Variants in JMJD1C observed in about 807,000 individuals in gnomAD.
JMJD1C encodes the protein jumonji domain containing 1C, also known as jumonji domain-containing protein 1C.
A neutral mutation model predicts 245.3 loss-of-function variants in JMJD1C; 31 were observed. That is an observed-to-expected ratio of 0.13 (90% CI 0.09 to 0.17). JMJD1C has a LOEUF of 0.17. Ranked by LOEUF, JMJD1C falls within the 10% of genes least tolerant of loss-of-function variation. The probability of loss-of-function intolerance (pLI) is 1.00; values close to 1 mark genes in which losing one functional copy is unlikely to be tolerated. For missense variants in JMJD1C, 2,691 were observed against 3,000.2 expected, an observed-to-expected ratio of 0.90 and a Z score of 2.41; for synonymous variants, 1,057 against 1,017.4, an observed-to-expected ratio of 1.04 and a Z score of -0.74.
Position 63,497,161 on chromosome 10 carries a change from T to C in JMJD1C, n.113+24577A>G, listed in dbSNP as rs139855092. On this transcript the variant is annotated intron_variant and non_coding_transcript_variant, in intron 1 of 3. Transcript: ENST00000633035. ...TTCTTTTCCTTTAGAACTTGATTAA[T>C]CTTAGTTTACTTAAAAAAAAAACAC... 3.2e-3 allele frequency among the ~76,000 whole-genome samples: 493 copies of C among 152,022 alleles called. 2 individuals are homozygous for C. The highest frequency in any genetic ancestry group is 0.012 in the African/African-American group (478 of 41,458).
intron 2 of JMJD1C, among the ~76,000 whole-genome samples, chr10:63,306,770 G>T (rs1938310717): frequency 6.6e-6 from 1 of 152,082 alleles, no homozygotes; most frequent in Non-Finnish European, 1.5e-5. Context: ...TGAGATAACA[G>T]ACGTTTTCAA....
At chr10:63,248,045 T>C (rs1206331648) in intron 3 of JMJD1C, among the ~76,000 whole-genome samples, 1 of 152,108 alleles carries the variant, frequency 6.6e-6, no homozygotes, top group Non-Finnish European at 1.5e-5. Context: ...CTGGCCAACA[T>C]GGTGAAACCC....
intron 2 of JMJD1C, among the ~76,000 whole-genome samples, chr10:63,353,254 T>C (rs978891070): frequency 5.3e-5 from 8 of 152,050 alleles, no homozygotes; most frequent in Admixed American, 4.6e-4. Flanking sequence ...GAAAATACAG[T>C]ATTTTTTTGT....
At chr10:63,275,184 A>C (rs1426812138) in intron 2 of JMJD1C, among the ~76,000 whole-genome samples, 1 of 152,230 alleles carries the variant, frequency 6.6e-6, no homozygotes, top group East Asian at 1.9e-4. Flanking sequence ...CTAGGACCAG[A>C]ACTTGGATTT....
Position 63,290,177 on chromosome 10 carries a change from G to C in JMJD1C, c.334-25413C>G, listed in dbSNP as rs117652895. Among the ~76,000 whole-genome samples, 615 of 152,248 alleles carry C rather than the reference G, an allele frequency of 4.0e-3. 2 individuals are homozygous for C. Among genetic ancestry groups the C allele is most frequent in the Middle Eastern group, 0.017 (5 of 294 alleles). On this transcript the variant is annotated intron_variant, in intron 2 of 25. Coordinates refer to ENST00000399262, the MANE Select transcript of JMJD1C (RefSeq NM_032776.3). Reference sequence around the variant, plus strand: ...AAGGAAGGTCTAAACTTTTATAACTGAGAAAAGAATCTTAAAGAAAGGTCT... The same window carrying C: ...AAGGAAGGTCTAAACTTTTATAACTCAGAAAAGAATCTTAAAGAAAGGTCT...
chr10:63,212,767 T>G (rs1053208475), intron 8 of JMJD1C, among the ~76,000 whole-genome samples: 3 of 151,868 alleles, frequency 2.0e-5, no homozygotes, highest in Admixed American at 2.0e-4. Context: ...CCTTACAATT[T>G]TATAAAAATT....
At chr10:63,426,091 C>T (rs1950423511) in intron 1 of JMJD1C, among the ~76,000 whole-genome samples, 1 of 152,118 alleles carries the variant, frequency 6.6e-6, no homozygotes, top group Admixed American at 6.5e-5. Flanking sequence ...TTAAGAATTT[C>T]TTGCCAGGCC....
chr10:63,507,956 T>C (rs1954772181), intron 1 of JMJD1C, among the ~76,000 whole-genome samples: 1 of 152,232 alleles, frequency 6.6e-6, no homozygotes, highest in Admixed American at 6.5e-5. Context: ...GAATTATTTG[T>C]ATATTTTAAG....
intron 2 of JMJD1C, among the ~76,000 whole-genome samples, chr10:63,287,613 T>G (rs560076831): frequency 6.6e-6 from 1 of 152,298 alleles, no homozygotes; most frequent in African/African-American, 2.4e-5. Flanking sequence ...CACGAAAAAT[T>G]TCATATATCT....
rs556822054 is a variant in JMJD1C, at chr10:63,435,570, CAT to C, written c.168+29923_168+29924del. On this transcript the variant is annotated intron_variant, in intron 1 of 25. Transcript: ENST00000399262. ...TATTCTACCGGCTCACAGTGTCCCA[CAT>C]AGTGACTCCTGAATTCCAGTTGAAA... Among the ~76,000 whole-genome samples, 31 of 152,230 alleles carry C rather than the reference CAT, an allele frequency of 2.0e-4. No individual in the cohort carries two copies. The South Asian group carries it at 5.8e-3, about 28-fold the overall frequency.
chr10:63,434,158 T>A (rs2132867160), intron 1 of JMJD1C, among the ~76,000 whole-genome samples: 1 of 152,284 alleles, frequency 6.6e-6, no homozygotes, highest in Admixed American at 6.5e-5. Context: ...ACCCAACATG[T>A]ACATTTTATT....
intron 1 of JMJD1C, among the ~76,000 whole-genome samples, chr10:63,505,017 A>T (rs1954673978): frequency 6.6e-6 from 1 of 152,116 alleles, no homozygotes. Flanking sequence ...ATCTCCATTT[A>T]AAAAAGCTTC....
chr10:63,222,241 A>G (rs1848682614), intron 3 of JMJD1C: 2 of 792,748 alleles, frequency 2.5e-6, no homozygotes, highest in Non-Finnish European at 4.6e-6. Context: ...AAAAGCATCA[A>G]GATGATTTAC....
At chr10:63,375,183 C>CTTTTTT (rs67008681) in intron 2 of JMJD1C, among the ~76,000 whole-genome samples, 1,244 of 92,858 alleles carry the variant, frequency 0.013, 70 homozygotes, top group Non-Finnish European at 0.019. Context: ...TAAAAATTGG[C>CTTTTTT]TTTTTTTTTT....
intron 2 of JMJD1C, among the ~76,000 whole-genome samples, chr10:63,376,247 C>G (rs969189443): frequency 6.6e-6 from 1 of 152,162 alleles, no homozygotes; most frequent in Non-Finnish European, 1.5e-5. Flanking sequence ...TAAAAAAAAG[C>G]TGGACCCTTA....
intron 2 of JMJD1C, among the ~76,000 whole-genome samples, chr10:63,272,498 G>A (rs145797500): frequency 7.9e-5 from 12 of 152,230 alleles, no homozygotes; most frequent in African/African-American, 1.4e-4. Context: ...TGATCCACCC[G>A]CCTCGGCCTC....
intron 2 of JMJD1C, among the ~76,000 whole-genome samples, chr10:63,367,015 C>A (rs539020210): frequency 6.6e-6 from 1 of 152,212 alleles, no homozygotes; most frequent in East Asian, 1.9e-4. Context: ...AATAAAGATT[C>A]ATAAGACAAT....
At chr10:63,314,171 T>C (rs552655604) in intron 2 of JMJD1C, among the ~76,000 whole-genome samples, 1 of 152,366 alleles carries the variant, frequency 6.6e-6, no homozygotes, top group South Asian at 2.1e-4. Flanking sequence ...ATTTGTTGAA[T>C]AGGGTGTTCT....
At chr10:63,246,048 TGAAAA>T (rs1852163206) in intron 3 of JMJD1C, among the ~76,000 whole-genome samples, 1 of 151,290 alleles carries the variant, frequency 6.6e-6, no homozygotes, top group African/African-American at 2.4e-5. Flanking sequence ...AAAACAACAA[TGAAAA>T]GAAATGAAGA....
Sources: allele counts gnomAD v4.1 joint callset (sites outside exome capture counted in the v4.1 genomes callset), GRCh38; gene constraint gnomAD v4.1.1; transcripts MANE v1.5; gene names NCBI Gene and HGNC (gene_info 2026-07-23, HGNC 2026-07-21).